The following BTBD16 variants were observed in gnomAD, a reference collection of about 807,000 sequenced individuals.
BTBD16 encodes the protein BTB domain containing 16.
BTBD16 carries 66 observed loss-of-function variants against 67.4 expected under a neutral mutation model. The ratio of observed to expected loss-of-function variants is 0.98; its 90% CI spans 0.80 to 1.20. The LOEUF (loss-of-function observed/expected upper bound fraction) is 1.20, where lower values mean the gene tolerates loss of function less well. BTBD16 is among the 50% of genes most tolerant of loss of function. The pLI, the probability that BTBD16 is intolerant of heterozygous loss-of-function variation, is 0.00. For synonymous variants in BTBD16, 242 were observed against 236.4 expected, an observed-to-expected ratio of 1.02 and a Z score of -0.22; for missense variants, 634 against 616.0, an observed-to-expected ratio of 1.03 and a Z score of -0.31.
chr10:122,291,312 T>A, intron 7 of BTBD16, 118 bp downstream of exon 7: 17 of 1,269,626 alleles, frequency 1.3e-5, no homozygotes, highest in East Asian at 5.5e-5. Flanking sequence ...CAGGTGTCTT[T>A]GTGCCAAGCA....
rs183092368 is a variant in BTBD16 at position 122,324,130 on chromosome 10, G to C, written c.912-5350G>C. ...CTGTGCCCTACCCAAATCTGACCCA[G>C]CCTTTACAGAGCTTGACAAAGCCGG... On this transcript the variant is annotated intron_variant, in intron 10 of 15. Transcript: ENST00000260723. 2.0e-5 allele frequency among the ~76,000 whole-genome samples: 3 copies of C among 152,268 alleles called. No homozygotes were observed. In the East Asian group the frequency reaches 5.8e-4, roughly 29 times the overall value.
intron 10 of BTBD16, among the ~76,000 whole-genome samples, chr10:122,308,423 GC>G (rs1249656004): frequency 6.6e-6 from 1 of 152,146 alleles, no homozygotes; most frequent in Admixed American, 6.5e-5. Flanking sequence ...ACATCGCCAT[GC>G]ATTTCCCCAA....
At chr10:122,298,089 C>T (rs1039355642) in intron 8 of BTBD16, among the ~76,000 whole-genome samples, 3 of 152,086 alleles carry the variant, frequency 2.0e-5, no homozygotes, top group Non-Finnish European at 4.4e-5. Flanking sequence ...AGCAGCATAG[C>T]CTTTCTCACC....
Position 122,329,531 on chromosome 10 carries a change from G to A in BTBD16, c.963G>A (p.Arg321=). ...ACCGGGACATAGGACGGAGCTTGAG[G>A]CCGCTCTTCCTCTGCTTGCGTCTGC... The part of the protein sequence containing the change: ...FLDRDIGRSL[R]PLFLCLRLHG... Residue 321 remains arginine (R), a synonymous_variant, in exon 11 of 16, where the codon AGG becomes AGA. Transcript: ENST00000260723. 6.2e-7 allele frequency: 1 copy of A among 1,614,022 alleles called. No homozygotes were observed. Among genetic ancestry groups the A allele is most frequent in the East Asian group, 2.2e-5 (1 of 44,878 alleles).
At chr10:122,299,527 T>C (rs1237135990) in intron 9 of BTBD16, among the ~76,000 whole-genome samples, 2 of 151,946 alleles carry the variant, frequency 1.3e-5, no homozygotes, top group Non-Finnish European at 2.9e-5. Flanking sequence ...GCTGAATAAC[T>C]CTACACCCAC....
At chr10:122,296,496 A>G (rs1231234350) in intron 7 of BTBD16, among the ~76,000 whole-genome samples, 1 of 152,178 alleles carries the variant, frequency 6.6e-6, no homozygotes, top group African/African-American at 2.4e-5. Flanking sequence ...TTGAGTCATA[A>G]TGAGTTTAAG....
At chr10:122,288,059 C>T (rs1285962785) in intron 5 of BTBD16, among the ~76,000 whole-genome samples, 1 of 152,080 alleles carries the variant, frequency 6.6e-6, no homozygotes, top group Non-Finnish European at 1.5e-5. Flanking sequence ...TCCTTCCTTC[C>T]TATGTGGAAT....
intron 10 of BTBD16, among the ~76,000 whole-genome samples, chr10:122,313,266 T>TG (rs1408859988): frequency 6.6e-6 from 1 of 151,308 alleles, no homozygotes; most frequent in African/African-American, 2.4e-5. Context: ...TGTTTTTTTT[T>TG]TTTTGTTTTT....
chr10:122,317,586 G>T (rs1338405508), intron 10 of BTBD16, among the ~76,000 whole-genome samples: 1 of 152,094 alleles, frequency 6.6e-6, no homozygotes, highest in Non-Finnish European at 1.5e-5. Context: ...GGCGGAGCTT[G>T]CAGTGAGCCG....
chr10:122,276,962 G>A (rs976854455), intron 3 of BTBD16, 23 bp downstream of exon 3: 1 of 1,606,916 alleles, frequency 6.2e-7, no homozygotes. Context: ...AAAGGTTTGT[G>A]GGAGGGAATG....
intron 13 of BTBD16, 113 bp downstream of exon 13, chr10:122,332,626 C>T (rs907652315): frequency 1.1e-5 from 13 of 1,174,520 alleles, no homozygotes; most frequent in African/African-American, 1.5e-5. Context: ...GGTCAGGGGT[C>T]CAGAAGAGAG....
intron 15 of BTBD16, 88 bp from the exon 16 acceptor site, chr10:122,337,929 A>G: frequency 1.8e-6 from 2 of 1,095,230 alleles, no homozygotes; most frequent in Non-Finnish European, 2.7e-6. Flanking sequence ...CATTTTCTAC[A>G]ACTGTTAGTC....
chr10:122,285,306 C>T (rs538261093), intron 4 of BTBD16, among the ~76,000 whole-genome samples: 18 of 152,300 alleles, frequency 1.2e-4, no homozygotes, highest in East Asian at 3.9e-4. Context: ...TCCTTGGTTT[C>T]GCCATCTGCC....
chr10:122,311,508 CA>C (rs1424241564), intron 10 of BTBD16, among the ~76,000 whole-genome samples: 26 of 152,182 alleles, frequency 1.7e-4, no homozygotes, highest in Non-Finnish European at 5.9e-5. Context: ...AAAATGTAAG[CA>C]AAGCTGTTGC....
intron 9 of BTBD16, 65 bp downstream of exon 9, chr10:122,299,199 G>T: frequency 6.3e-7 from 1 of 1,575,468 alleles, no homozygotes. Context: ...GGCCAGGCTG[G>T]GGAGGGAGGT....
chr10:122,289,877 TC>T, intron 5 of BTBD16, 31 bp from the exon 6 acceptor site: 1 of 1,573,662 alleles, frequency 6.4e-7, no homozygotes, highest in Non-Finnish European at 8.7e-7. Flanking sequence ...GGTTATCACA[TC>T]CTGCCATCAT....
intron 2 of BTBD16, among the ~76,000 whole-genome samples, chr10:122,275,890 CA>C (rs141331090): frequency 0.037 from 5,568 of 151,118 alleles, 333 homozygotes; most frequent in African/African-American, 0.13. Context: ...GACAGGTGTT[CA>C]AAAAAAAACT....
At chr10:122,322,901 C>T (rs751062754) in intron 10 of BTBD16, among the ~76,000 whole-genome samples, 2 of 152,154 alleles carry the variant, frequency 1.3e-5, no homozygotes, top group Non-Finnish European at 2.9e-5. Context: ...TCTCTGTAAG[C>T]TTTCTCACTT....
At chr10:122,295,335 G>A (rs2096381223) in intron 7 of BTBD16, 1 of 985,308 alleles carries the variant, frequency 1.0e-6, no homozygotes, top group Non-Finnish European at 1.2e-6. Flanking sequence ...GGGTGGAGCA[G>A]CATCAAACTG....
Sources: allele counts gnomAD v4.1 joint callset (sites outside exome capture counted in the v4.1 genomes callset), GRCh38; gene constraint gnomAD v4.1.1; transcripts MANE v1.5; gene names NCBI Gene and HGNC (gene_info 2026-07-23, HGNC 2026-07-21).